The following CSGALNACT1 variants were observed in gnomAD, a reference collection of about 807,000 sequenced individuals.
The protein encoded by CSGALNACT1 is beta4GalNAcT-1.
A neutral mutation model predicts 51.0 loss-of-function variants in CSGALNACT1; 52 were observed. The observed-to-expected ratio is 1.02, with a 90% CI of 0.82 to 1.29. CSGALNACT1 has a LOEUF of 1.29. CSGALNACT1 is among the 50% of genes most tolerant of loss of function. The pLI is 0.00. For synonymous variants in CSGALNACT1, 341 were observed against 254.4 expected, an observed-to-expected ratio of 1.34 and a Z score of -3.24; for missense variants, 935 against 679.2, an observed-to-expected ratio of 1.38 and a Z score of -4.19.
chr8:19,597,179 C>A (rs1168408479), intron 2 of CSGALNACT1, among the ~76,000 whole-genome samples: 2 of 151,978 alleles, frequency 1.3e-5, no homozygotes, highest in Non-Finnish European at 2.9e-5. Flanking sequence ...AATTTCTCTC[C>A]TTTTTAAGGC....
At chr8:19,458,896 T>C (rs1025718224) in intron 4 of CSGALNACT1, among the ~76,000 whole-genome samples, 2 of 152,176 alleles carry the variant, frequency 1.3e-5, no homozygotes, top group Non-Finnish European at 1.5e-5. Flanking sequence ...ATACAAACTG[T>C]ATTCATAGGA....
chr8:19,541,474 G>C (rs757110067), intron 3 of CSGALNACT1, among the ~76,000 whole-genome samples: 1 of 148,676 alleles, frequency 6.7e-6, no homozygotes, highest in Non-Finnish European at 1.5e-5. Flanking sequence ...GGATGGTCTC[G>C]ATCTCCTGAC....
chr8:19,588,441 C>G (rs2047123743), intron 3 of CSGALNACT1, among the ~76,000 whole-genome samples: 1 of 152,122 alleles, frequency 6.6e-6, no homozygotes, highest in South Asian at 2.1e-4. Context: ...TTCATCCAAG[C>G]AAACTCAGAA....
intron 1 of CSGALNACT1, among the ~76,000 whole-genome samples, chr8:19,698,143 A>G (rs897456052): frequency 1.3e-5 from 2 of 152,214 alleles, no homozygotes; most frequent in Non-Finnish European, 2.9e-5. Flanking sequence ...AAGCAGTCCC[A>G]TGAGGTCCCC....
At chr8:19,651,856 C>T (rs1299962714) in intron 1 of CSGALNACT1, among the ~76,000 whole-genome samples, 1 of 151,992 alleles carries the variant, frequency 6.6e-6, no homozygotes. Flanking sequence ...CTGTGGTTAA[C>T]TAATTTACAT....
intron 3 of CSGALNACT1, among the ~76,000 whole-genome samples, chr8:19,515,024 T>C (rs2079246516): frequency 6.6e-6 from 1 of 152,078 alleles, no homozygotes. Flanking sequence ...ATTACAAGTG[T>C]CCTTGGGGCA....
chr8:19,644,967 C>A (rs2057124725), intron 1 of CSGALNACT1, among the ~76,000 whole-genome samples: 1 of 152,194 alleles, frequency 6.6e-6, no homozygotes, highest in Non-Finnish European at 1.5e-5. Flanking sequence ...GAGCCTCTGT[C>A]TGGCCAAGAA....
intron 1 of CSGALNACT1, among the ~76,000 whole-genome samples, chr8:19,681,477 G>A (rs1262881283): frequency 6.6e-6 from 1 of 152,070 alleles, no homozygotes. Context: ...GGAAGAACTG[G>A]GGACCTAGGG....
chr8:19,451,212 A>G (rs552834845), intron 5 of CSGALNACT1, among the ~76,000 whole-genome samples: 2 of 152,292 alleles, frequency 1.3e-5, no homozygotes, highest in East Asian at 3.9e-4. Flanking sequence ...TCTTCATTAA[A>G]TATGAACAGC....
upstream of CSGALNACT1, among the ~76,000 whole-genome samples, chr8:19,686,002 G>T (rs2060955075): frequency 1.3e-5 from 2 of 152,136 alleles, no homozygotes; most frequent in Non-Finnish European, 2.9e-5. Flanking sequence ...ACACACTCTT[G>T]GTGGACTGTG....
intron 8 of CSGALNACT1, among the ~76,000 whole-genome samples, chr8:19,415,624 T>C (rs1270281348): frequency 6.6e-6 from 1 of 152,164 alleles, no homozygotes; most frequent in African/African-American, 2.4e-5. Flanking sequence ...GGAATAATAA[T>C]ACAAAGAAAA....
chr8:19,618,782 A>G (rs2053427402), intron 1 of CSGALNACT1, among the ~76,000 whole-genome samples: 1 of 152,084 alleles, frequency 6.6e-6, no homozygotes, highest in Admixed American at 6.6e-5. Flanking sequence ...GGCCGGGGCT[A>G]GCACTTTCTC....
chr8:19,597,254 A>G (rs370381123), intron 2 of CSGALNACT1, among the ~76,000 whole-genome samples: 38 of 140,946 alleles, frequency 2.7e-4, no homozygotes, highest in African/African-American at 9.4e-4. Context: ...CTGTTAATGG[A>G]TATTGGGTTG....
At chr8:19,681,602 T>G (rs530677705) in intron 1 of CSGALNACT1, among the ~76,000 whole-genome samples, 1 of 152,248 alleles carries the variant, frequency 6.6e-6, no homozygotes, top group South Asian at 2.1e-4. Context: ...CAAACAGACA[T>G]TTCTAAAACC....
At chr8:19,617,438 C>A (rs1406626785) in intron 1 of CSGALNACT1, among the ~76,000 whole-genome samples, 1 of 152,146 alleles carries the variant, frequency 6.6e-6, no homozygotes, top group African/African-American at 2.4e-5. Flanking sequence ...TGCAAGAACA[C>A]CCTAACACAA....
At chr8:19,649,046 CAT>C (rs1346248065) in intron 1 of CSGALNACT1, among the ~76,000 whole-genome samples, 1 of 152,182 alleles carries the variant, frequency 6.6e-6, no homozygotes, top group Non-Finnish European at 1.5e-5. Context: ...GACAGACTCA[CAT>C]ATAACATTAA....
intron 2 of CSGALNACT1, among the ~76,000 whole-genome samples, chr8:19,597,666 G>C (rs2049256999): frequency 6.6e-6 from 1 of 152,138 alleles, no homozygotes; most frequent in South Asian, 2.1e-4. Flanking sequence ...CCGATCCCTT[G>C]CCTCCAAGGC....
In CSGALNACT1 at chr8:19,656,331, G is replaced by C. The variant is rs566610034; in HGVS notation, c.-544+26142C>G. ...GGAATCAAAACCTAGCCCTCATATA[G>C]GACCTCTAGTCCAATTCACCATTTT... On this transcript the variant is annotated intron_variant, in intron 1 of 9. Transcript: ENST00000332246. Among the ~76,000 whole-genome samples, 11 of 152,120 alleles carry C rather than the reference G, an allele frequency of 7.2e-5. No individual in the cohort carries two copies. The South Asian group carries it at 1.5e-3, about 20-fold the overall frequency.
chr8:19,567,161 C>A (rs2042061900), intron 3 of CSGALNACT1, among the ~76,000 whole-genome samples: 1 of 152,126 alleles, frequency 6.6e-6, no homozygotes, highest in Admixed American at 6.5e-5. Context: ...AAGCCTAGAC[C>A]TGATGGAGTA....
Sources: gnomAD v4.1 joint callset for allele counts (sites outside exome capture counted in the v4.1 genomes callset) on GRCh38, gnomAD v4.1.1 for gene constraint, MANE v1.5 for transcripts, NCBI Gene and HGNC (gene_info 2026-07-23, HGNC 2026-07-21) for gene names.